The following DLGAP2 variants were observed in gnomAD, a reference collection of about 807,000 sequenced individuals.
The protein encoded by DLGAP2 is DLG associated protein 2, also known as disks large-associated protein 2.
A neutral mutation model predicts 100.3 loss-of-function variants in DLGAP2; 26 were observed. The observed-to-expected ratio is 0.26, with a 90% CI of 0.19 to 0.36. DLGAP2 has a LOEUF of 0.36. Ranked by LOEUF, DLGAP2 falls within the 10% of genes least tolerant of loss-of-function variation. The pLI is 1.00. For synonymous variants in DLGAP2, 886 were observed against 630.1 expected, an observed-to-expected ratio of 1.41 and a Z score of -6.08; for missense variants, 1,858 against 1,453.2, an observed-to-expected ratio of 1.28 and a Z score of -4.53.
chr8:866,902 C>T (rs542881824), intron 1 of DLGAP2, among the ~76,000 whole-genome samples: 2 of 152,156 alleles, frequency 1.3e-5, no homozygotes, highest in Non-Finnish European at 2.9e-5. Flanking sequence ...CAACATGCCA[C>T]GTTCCCAGGG....
At chr8:1,644,351 G>T (rs922753443) in intron 8 of DLGAP2, among the ~76,000 whole-genome samples, 1 of 152,210 alleles carries the variant, frequency 6.6e-6, no homozygotes, top group Non-Finnish European at 1.5e-5. Flanking sequence ...GCAAACCCCA[G>T]TGACCCGGCC....
At chr8:1,625,705 G>T (rs1797473511) in intron 6 of DLGAP2, among the ~76,000 whole-genome samples, 1 of 152,334 alleles carries the variant, frequency 6.6e-6, no homozygotes, top group East Asian at 1.9e-4. Context: ...CTATTATGCT[G>T]TGTGAGTTAC....
At chr8:1,563,632 G>A (rs546864759) in intron 5 of DLGAP2, among the ~76,000 whole-genome samples, 8 of 152,178 alleles carry the variant, frequency 5.3e-5, no homozygotes, top group East Asian at 3.9e-4. Flanking sequence ...GCTCCTGCTC[G>A]TCCAGGCTGG....
chr8:1,533,361 C>G (rs1423952635), intron 4 of DLGAP2, among the ~76,000 whole-genome samples: 1 of 151,854 alleles, frequency 6.6e-6, no homozygotes, highest in African/African-American at 2.4e-5. Context: ...AAAAAATTAG[C>G]CGGGCGTTGT....
In DLGAP2 at chr8:803,587, G is replaced by T. The variant is rs190255840; in HGVS notation, c.18+65762G>T. Reference sequence around the variant, plus strand: ...ACCGAGAAGCATCACACATCTACACGCCCGGCATTCTGCTTTTAAGTTAGT... The same window carrying T: ...ACCGAGAAGCATCACACATCTACACTCCCGGCATTCTGCTTTTAAGTTAGT... On this transcript the variant is annotated intron_variant, in intron 1 of 14. Transcript: ENST00000637795. Among the ~76,000 whole-genome samples, 3 of 151,952 alleles carry T rather than the reference G, an allele frequency of 2.0e-5. 1 individual carries two copies. Among genetic ancestry groups the T allele is most frequent in the Admixed American group, 2.0e-4 (3 of 15,236 alleles).
At chr8:772,568 C>G (rs957652270) in intron 1 of DLGAP2, among the ~76,000 whole-genome samples, 1 of 152,200 alleles carries the variant, frequency 6.6e-6, no homozygotes, top group African/African-American at 2.4e-5. Context: ...GGTGGTCTGC[C>G]TGCCTCGGCC....
At chr8:1,125,293 A>C (rs1796139780) in intron 2 of DLGAP2, among the ~76,000 whole-genome samples, 1 of 152,202 alleles carries the variant, frequency 6.6e-6, no homozygotes, top group Admixed American at 6.5e-5. Flanking sequence ...AGCCTCCAGA[A>C]CGTTATGGTT....
chr8:754,432 G>T (rs1281283052), intron 1 of DLGAP2, among the ~76,000 whole-genome samples: 1 of 152,172 alleles, frequency 6.6e-6, no homozygotes. Context: ...CTTCCTCTGT[G>T]CCCATGCCTT....
At chr8:823,391 A>T (rs1178183223) in intron 1 of DLGAP2, among the ~76,000 whole-genome samples, 1 of 152,076 alleles carries the variant, frequency 6.6e-6, no homozygotes. Flanking sequence ...TACGCTTGTC[A>T]ACTCTCCATT....
chr8:1,072,128 G>A (rs1364662443), intron 2 of DLGAP2, among the ~76,000 whole-genome samples: 2 of 152,298 alleles, frequency 1.3e-5, no homozygotes, highest in African/African-American at 4.8e-5. Flanking sequence ...CACCGTCAAG[G>A]CACACAGTGG....
intron 6 of DLGAP2, among the ~76,000 whole-genome samples, chr8:1,573,310 G>C (rs1229702419): frequency 2.3e-5 from 3 of 128,110 alleles, no homozygotes; most frequent in Admixed American, 7.7e-5. Flanking sequence ...AGAGGAGAGA[G>C]GGTGAACTGT....
intron 12 of DLGAP2, among the ~76,000 whole-genome samples, chr8:1,689,810 C>A (rs1307449657): frequency 6.6e-6 from 1 of 152,158 alleles, no homozygotes; most frequent in East Asian, 1.9e-4. Context: ...CTGCCCCCTG[C>A]CTGGTGGGCA....
intron 1 of DLGAP2, among the ~76,000 whole-genome samples, chr8:881,508 T>G (rs1408257330): frequency 1.3e-5 from 2 of 148,860 alleles, no homozygotes; most frequent in African/African-American, 5.0e-5. Flanking sequence ...TTTTTTTTTT[T>G]TTTTTTTTTG....
intron 2 of DLGAP2, among the ~76,000 whole-genome samples, chr8:1,233,114 T>C (rs941471570): frequency 1.3e-5 from 2 of 152,248 alleles, no homozygotes; most frequent in African/African-American, 2.4e-5. Context: ...CAGCGCCTAA[T>C]AGACACTCCC....
At chr8:848,037 C>T (rs1242111896) in intron 1 of DLGAP2, among the ~76,000 whole-genome samples, 1 of 152,150 alleles carries the variant, frequency 6.6e-6, no homozygotes, top group East Asian at 1.9e-4. Flanking sequence ...GGGCCTGTTA[C>T]TCTTCAGTTC....
At chr8:1,574,796 G>A (rs1238917487) in intron 6 of DLGAP2, among the ~76,000 whole-genome samples, 1 of 152,130 alleles carries the variant, frequency 6.6e-6, no homozygotes, top group African/African-American at 2.4e-5. Context: ...GATCATTCCG[G>A]ACACAAGAAA....
At chr8:1,583,970 T>G (rs898845234) in intron 6 of DLGAP2, among the ~76,000 whole-genome samples, 3 of 152,090 alleles carry the variant, frequency 2.0e-5, no homozygotes, top group Non-Finnish European at 4.4e-5. Context: ...CAGCTCTGAT[T>G]GCCTCCTCTG....
chr8:837,196 A>T (rs1023919214), intron 1 of DLGAP2, among the ~76,000 whole-genome samples: 5 of 152,046 alleles, frequency 3.3e-5, no homozygotes, highest in African/African-American at 9.7e-5. Flanking sequence ...AGGCCTCGGG[A>T]TCTCGCGGGC....
intron 6 of DLGAP2, among the ~76,000 whole-genome samples, chr8:1,601,876 C>A (rs529227649): frequency 1.3e-5 from 2 of 151,844 alleles, no homozygotes; most frequent in African/African-American, 2.4e-5. Flanking sequence ...TTCAGTGAGA[C>A]ATTTTTTTCA....
Sources: allele counts gnomAD v4.1 joint callset (sites outside exome capture counted in the v4.1 genomes callset), GRCh38; gene constraint gnomAD v4.1.1; transcripts MANE v1.5; gene names NCBI Gene and HGNC (gene_info 2026-07-23, HGNC 2026-07-21).